The following MSMB variants were observed in gnomAD, a reference collection of about 807,000 sequenced individuals.
The protein encoded by MSMB is beta-microseminoprotein.
Under a neutral mutation model 10.5 loss-of-function variants are expected in MSMB, and 10 were observed. The observed-to-expected ratio is 0.95, with a 90% CI of 0.59 to 1.62. MSMB has a LOEUF of 1.62. MSMB is among the 40% of genes most tolerant of loss of function. The pLI is 0.00. For missense variants in MSMB, 126 were observed against 137.4 expected, an observed-to-expected ratio of 0.92 and a Z score of 0.42; for synonymous variants, 43 against 46.5, an observed-to-expected ratio of 0.93 and a Z score of 0.30.
chr10:46,040,187 T>C, intron 1 of MSMB, 96 bp from the exon 2 acceptor site: 4 of 968,406 alleles, frequency 4.1e-6, no homozygotes, highest in Non-Finnish European at 4.7e-6. Flanking sequence ...TGGGCTCTGC[T>C]GAGAGGTTAT....
At chr10:46,045,968 C>T (rs191824975) in intron 1 of MSMB, among the ~76,000 whole-genome samples, 1 of 152,264 alleles carries the variant, frequency 6.6e-6, no homozygotes, top group Non-Finnish European at 1.5e-5. Context: ...ATTAGAGACA[C>T]TTATGAAATC....
At chr10:46,044,131 C>G (rs1487481137) in intron 1 of MSMB, among the ~76,000 whole-genome samples, 1 of 152,164 alleles carries the variant, frequency 6.6e-6, no homozygotes, top group Non-Finnish European at 1.5e-5. Context: ...CTGCCACCAG[C>G]CTTCCTTCCC....
At chr10:46,038,436 C>T (rs967758860) in intron 3 of MSMB, among the ~76,000 whole-genome samples, 3 of 151,918 alleles carry the variant, frequency 2.0e-5, no homozygotes, top group Admixed American at 1.3e-4. Flanking sequence ...TACAGGCACC[C>T]GCCACCAAGC....
Position 46,039,881 on chromosome 10 carries a change from A to G in MSMB, c.109+105T>C, listed in dbSNP as rs567987278. The stretch of plus-strand genomic sequence containing the variant: ...TGGGAGACAGAGCATGACTATCTCA[A>G]AAAACAAAGAAACAAACAAACAGAA... On this transcript the variant is annotated intron_variant, in intron 2 of 3. Coordinates refer to ENST00000582163, the MANE Select transcript of MSMB (RefSeq NM_002443.4). 3 of 889,502 alleles carry G rather than the reference A, an allele frequency of 3.4e-6. No homozygotes were observed. In the African/African-American group the frequency reaches 5.0e-5, roughly 15 times the overall value. The allele number at this position is 889,502 out of a possible 1,614,324, so 55.1% of individuals were successfully genotyped here.
chr10:46,033,343 T>C lies in MSMB; in HGVS notation c.*79A>G. Reference sequence around the variant, plus strand: ...TCAAAAATCTTTTTACTGATAGGCATGGCTACACAATCATTGACTATTAGA... The same window carrying C: ...TCAAAAATCTTTTTACTGATAGGCACGGCTACACAATCATTGACTATTAGA... On this transcript the variant is annotated 3_prime_UTR_variant, in exon 4 of 4. Transcript: ENST00000582163. 1 of 1,546,200 alleles carries C rather than the reference T, an allele frequency of 6.5e-7. No individual in the cohort carries two copies. The highest frequency in any genetic ancestry group is 8.7e-7 in the Non-Finnish European group (1 of 1,144,048).
rs527951149 is a variant in MSMB, at chr10:46,040,433, G to A, written c.4-342C>T. Among the ~76,000 whole-genome samples the A allele has an allele frequency of 2.2e-4, 34 of 152,250 alleles. No individual in the cohort carries two copies. In the South Asian group the frequency reaches 4.8e-3, roughly 21 times the overall value. On this transcript the variant is annotated intron_variant, in intron 1 of 3. Coordinates refer to ENST00000582163, the MANE Select transcript of MSMB (RefSeq NM_002443.4). ...CAACAGACCAAACCAAAATGCAGTC[G>A]CCCATGCTGAAGTTCTCTGCCACTA...
At position 46,033,515 on chromosome 10, in the gene MSMB, G is replaced by A; in HGVS notation, c.252C>T (p.Cys84=). 2 of 1,613,782 alleles carry A rather than the reference G, an allele frequency of 1.2e-6. No individual in the cohort carries two copies. Among genetic ancestry groups the A allele is most frequent in the Non-Finnish European group, 1.7e-6 (2 of 1,179,760 alleles). The part of the protein sequence containing the change: ...STPVGYDKDN[C]QRIFKKEDCK... ...AGTCCTCCTTCTTGAAGATTCTTTG[G>A]CAGTTGTCTTTGTCATAACCCACAG... The change falls in exon 4 of 4, where the codon TGC becomes TGT. Residue 84 remains cysteine (C), a synonymous_variant. Transcript: ENST00000582163.
chr10:46,037,091 A>G (rs1840625965), intron 3 of MSMB, among the ~76,000 whole-genome samples: 1 of 152,226 alleles, frequency 6.6e-6, no homozygotes, highest in African/African-American at 2.4e-5. Flanking sequence ...GGCCTGCTCG[A>G]TAAATGTGGC....
At chr10:46,034,305 G>A (rs1041836966) in intron 3 of MSMB, among the ~76,000 whole-genome samples, 4 of 151,320 alleles carry the variant, frequency 2.6e-5, no homozygotes, top group South Asian at 2.1e-4. Flanking sequence ...TAGAGATGGC[G>A]GGTCGGCGCG....
At chr10:46,037,086 G>T (rs1554927643) in intron 3 of MSMB, among the ~76,000 whole-genome samples, 1 of 152,210 alleles carries the variant, frequency 6.6e-6, no homozygotes, top group African/African-American at 2.4e-5. Flanking sequence ...CATGAGGCCT[G>T]CTCGATAAAT....
At chr10:46,040,950 T>A (rs1840732843) in intron 1 of MSMB, among the ~76,000 whole-genome samples, 1 of 149,774 alleles carries the variant, frequency 6.7e-6, no homozygotes, top group Non-Finnish European at 1.5e-5. Flanking sequence ...CGAGACTCCG[T>A]CTCAAAAAAA....
chr10:46,045,592 T>C (rs1193295965), intron 1 of MSMB, among the ~76,000 whole-genome samples: 4 of 152,100 alleles, frequency 2.6e-5, no homozygotes, highest in African/African-American at 9.7e-5. Flanking sequence ...CCTTAACACA[T>C]GATACAGTGA....
intron 3 of MSMB, among the ~76,000 whole-genome samples, chr10:46,038,505 G>A (rs1175394360): frequency 2.0e-5 from 3 of 152,064 alleles, no homozygotes; most frequent in African/African-American, 7.2e-5. Context: ...AGCTAGGAGG[G>A]TCTCGATCTC....
At chr10:46,039,954 A>T (rs1554928192) in intron 2 of MSMB, 32 bp downstream of exon 2, 2 of 1,527,844 alleles carry the variant, frequency 1.3e-6, no homozygotes, top group South Asian at 2.3e-5. Context: ...AGGCTGCAAT[A>T]ACATAATAAA....
chr10:46,038,630 C>T (rs967666866), intron 3 of MSMB, among the ~76,000 whole-genome samples: 2 of 152,028 alleles, frequency 1.3e-5, no homozygotes, highest in Non-Finnish European at 2.9e-5. Flanking sequence ...AAAACTAACC[C>T]CCCAATACCA....
At chr10:46,040,271 A>G (rs1840711035) in intron 1 of MSMB, among the ~76,000 whole-genome samples, 180 bp from the exon 2 acceptor site, 1 of 152,212 alleles carries the variant, frequency 6.6e-6, no homozygotes, top group African/African-American at 2.4e-5. Context: ...TATCTAGTTG[A>G]CTTTGTCATC....
Position 46,040,627 on chromosome 10 carries a change from T to A in MSMB, c.4-536A>T, listed in dbSNP as rs192521422. The stretch of plus-strand genomic sequence containing the variant: ...AGACCAATTTGCTTTTTGTTCTCTG[T>A]TTCTGCTTTTTCTGGCTCTTTTCTG... On this transcript the variant is annotated intron_variant, in intron 1 of 3. Coordinates refer to ENST00000582163, the MANE Select transcript of MSMB (RefSeq NM_002443.4). 1.2e-3 allele frequency among the ~76,000 whole-genome samples: 183 copies of A among 152,330 alleles called. 2 individuals carry two copies. In the Middle Eastern group the frequency reaches 0.014, roughly 11 times the overall value.
intron 3 of MSMB, among the ~76,000 whole-genome samples, chr10:46,037,188 A>G (rs1297035617): frequency 6.6e-6 from 1 of 152,234 alleles, no homozygotes; most frequent in South Asian, 2.1e-4. Flanking sequence ...CAGTGTCCTC[A>G]TAAGACTCTC....
chr10:46,038,535 G>C (rs1305372940), intron 3 of MSMB, among the ~76,000 whole-genome samples: 1 of 152,012 alleles, frequency 6.6e-6, no homozygotes, highest in East Asian at 1.9e-4. Context: ...TGATCCGCCC[G>C]CTTCGGCCCC....
Sources: gnomAD v4.1 joint callset for allele counts (sites outside exome capture counted in the v4.1 genomes callset) on GRCh38, gnomAD v4.1.1 for gene constraint, MANE v1.5 for transcripts, NCBI Gene and HGNC (gene_info 2026-07-23, HGNC 2026-07-21) for gene names.